Variants in INPP5A observed in about 807,000 individuals in gnomAD.
INPP5A encodes 43 kDa inositol polyphosphate 5-phophatase.
Under a neutral mutation model 65.2 loss-of-function variants are expected in INPP5A, and 14 were observed. The ratio of observed to expected loss-of-function variants is 0.21; its 90% CI spans 0.14 to 0.34. The LOEUF is 0.34. Among genes scored for constraint, INPP5A ranks in the 10% least tolerant of loss-of-function variants. The pLI, the probability that INPP5A is intolerant of heterozygous loss-of-function variation, is 1.00. For missense variants in INPP5A, 431 were observed against 545.6 expected (o/e 0.79, Z 2.09); for synonymous variants, 207 against 208.3 (o/e 0.99, Z 0.05).
At chr10:132,641,306 G>A (rs2072424501) in intron 2 of INPP5A, among the ~76,000 whole-genome samples, 1 of 152,208 alleles carries the variant, frequency 6.6e-6, no homozygotes, top group South Asian at 2.1e-4. Flanking sequence ...AATGCCTGGA[G>A]ACTCTCAGGC....
Position 132,645,302 on chromosome 10 carries a change from G to T in INPP5A, c.118-566G>T, listed in dbSNP as rs545062430. Among the ~76,000 whole-genome samples, 28 of 152,346 alleles carry T rather than the reference G, an allele frequency of 1.8e-4. No homozygotes were observed. The East Asian group carries it at 4.4e-3, about 24-fold the overall frequency. On this transcript the variant is annotated intron_variant, in intron 2 of 15. Transcript: ENST00000368594. ...TAGTGGAAGTGGCCTTGCGTGAGTT[G>T]CTGCTGTGTGTCGGCGTCCTCCCAG...
intron 8 of INPP5A, among the ~76,000 whole-genome samples, chr10:132,710,799 A>G (rs555846062): frequency 9.9e-6 from 1 of 101,270 alleles, no homozygotes; most frequent in African/African-American, 4.5e-5. Context: ...AGGTATAGGT[A>G]TGGGTGGAGA....
intron 8 of INPP5A, among the ~76,000 whole-genome samples, chr10:132,712,438 T>A (rs1367839618): frequency 6.6e-6 from 1 of 151,150 alleles, no homozygotes; most frequent in Admixed American, 6.6e-5. Context: ...TGCACGCGTG[T>A]GTGGGTGTGT....
chr10:132,580,843 A>C (rs1397332705), intron 1 of INPP5A, among the ~76,000 whole-genome samples: 1 of 152,192 alleles, frequency 6.6e-6, no homozygotes, highest in Non-Finnish European at 1.5e-5. Context: ...ACTTCCCCCA[A>C]ATGCTTCTGT....
chr10:132,756,371 CGT>C (rs55910416), intron 11 of INPP5A, among the ~76,000 whole-genome samples: 3,746 of 151,610 alleles, frequency 0.025, 68 homozygotes, highest in South Asian at 0.048. Context: ...CGTGTGCACT[CGT>C]GTGTGTGTAT....
At chr10:132,567,638 C>G (rs1406264417) in intron 1 of INPP5A, among the ~76,000 whole-genome samples, 1 of 152,170 alleles carries the variant, frequency 6.6e-6, no homozygotes, top group African/African-American at 2.4e-5. Context: ...CTCCCTTTTC[C>G]GCTCCATGTA....
rs780639282 is a variant in INPP5A at position 132,697,783 on chromosome 10, G to A, written c.371-33G>A. The A allele has an allele frequency of 4.2e-6, 6 of 1,439,100 alleles. No homozygotes were observed. In the Admixed American group the frequency reaches 5.1e-5, roughly 12 times the overall value. 89.1% of individuals were successfully genotyped at this position (1,439,100 alleles called of 1,614,324 possible). On this transcript the variant is annotated intron_variant, in intron 5 of 15. Transcript: ENST00000368594. This position sits in a 1 kb window ranked among gnomAD's most constrained non-coding sequence, Gnocchi z 5.6. ...GCTGGTTGGATGGGGCACAGTGATG[G>A]GATAGTCACCTCGTCCTTCTGGTCT... is the stretch of plus-strand genomic sequence containing the variant.
chr10:132,725,234 G>A (rs565020844), intron 8 of INPP5A, among the ~76,000 whole-genome samples: 13 of 152,332 alleles, frequency 8.5e-5, no homozygotes, highest in South Asian at 4.1e-4. Flanking sequence ...GAACTCCTAC[G>A]CTCCATAGCC....
intron 12 of INPP5A, 35 bp downstream of exon 12, chr10:132,765,881 C>A: frequency 7.3e-7 from 1 of 1,363,818 alleles, no homozygotes; most frequent in Non-Finnish European, 1.1e-6. Context: ...TGAACCCGGC[C>A]GGGAAGGTGG....
Position 132,546,276 on chromosome 10 carries a change from G to A in INPP5A, c.75+8105G>A, listed in dbSNP as rs543736503. Among the ~76,000 whole-genome samples the A allele has an allele frequency of 2.0e-5, 3 of 152,328 alleles. No individual in the cohort carries two copies. The highest frequency in any genetic ancestry group is 2.1e-4 in the South Asian group (1 of 4,832). On this transcript the variant is annotated intron_variant, in intron 1 of 15. Coordinates refer to ENST00000368594, the MANE Select transcript of INPP5A (RefSeq NM_005539.5). This position sits in a 1 kb window ranked among gnomAD's most constrained non-coding sequence, Gnocchi z 5.7. Reference sequence around the variant, plus strand: ...GGCGCAGAAGTGGTTTCCCAGCGGCGTGCCCTGAGTGTTGGGAAAAGGCCC... The same window carrying A: ...GGCGCAGAAGTGGTTTCCCAGCGGCATGCCCTGAGTGTTGGGAAAAGGCCC...
At chr10:132,734,923 G>A (rs1289596032) in intron 9 of INPP5A, among the ~76,000 whole-genome samples, 1 of 152,208 alleles carries the variant, frequency 6.6e-6, no homozygotes, top group African/African-American at 2.4e-5. Flanking sequence ...CTTGAGATGG[G>A]CTCTGCCCTT....
At chr10:132,672,208 A>G (rs1316199665) in intron 4 of INPP5A, among the ~76,000 whole-genome samples, 1 of 152,148 alleles carries the variant, frequency 6.6e-6, no homozygotes, top group Non-Finnish European at 1.5e-5. Context: ...CTTTTCCTTT[A>G]TCATGTGACA....
rs1282591228 is a variant in INPP5A, at chr10:132,603,417, A to ACGT, written c.76-4496_76-4494dup. On this transcript the variant is annotated intron_variant, in intron 1 of 15. Coordinates refer to ENST00000368594, the MANE Select transcript of INPP5A (RefSeq NM_005539.5). This position sits in a 1 kb window ranked among gnomAD's most constrained non-coding sequence, Gnocchi z 4.2. Reference sequence around the variant, plus strand: ...AAGAACGCTTGTCCACGTGGAATAAACGTCATCCCAGTCTGCAGAGCTCCA... The same window carrying ACGT: ...AAGAACGCTTGTCCACGTGGAATAAACGTCGTCATCCCAGTCTGCAGAGCTCCA... 3.3e-5 allele frequency among the ~76,000 whole-genome samples: 5 copies of ACGT among 152,190 alleles called. No individual in the cohort carries two copies. Among genetic ancestry groups the ACGT allele is most frequent in the Non-Finnish European group, 7.4e-5 (5 of 68,026 alleles).
At chr10:132,600,537 C>T (rs982918213) in intron 1 of INPP5A, among the ~76,000 whole-genome samples, 15 of 152,334 alleles carry the variant, frequency 9.8e-5, no homozygotes, top group African/African-American at 3.6e-4. Flanking sequence ...CTTCTCATCC[C>T]TTCAAACTGT....
rs1321938114 is a variant in INPP5A at position 132,741,346 on chromosome 10, CTG to C, written c.733-8168_733-8167del. Among the ~76,000 whole-genome samples, 3 of 152,248 alleles carry C rather than the reference CTG, an allele frequency of 2.0e-5. No homozygotes were observed. Among genetic ancestry groups the C allele is most frequent in the African/African-American group, 7.2e-5 (3 of 41,466 alleles). ...AGCCTAACAGTGGGCAGCTCCGTGTCTGTGGGTCACAAGTGGTTGGTCTCAGT... is the reference window on the plus strand; with the variant it reads ...AGCCTAACAGTGGGCAGCTCCGTGTCTGGGTCACAAGTGGTTGGTCTCAGT... On this transcript the variant is annotated intron_variant, in intron 9 of 15. Transcript: ENST00000368594. The surrounding 1 kb of genome is among the most constrained non-coding windows in gnomAD (Gnocchi z 4.4).
chr10:132,677,210 G>A (rs1029785306), intron 4 of INPP5A, among the ~76,000 whole-genome samples: 3 of 152,212 alleles, frequency 2.0e-5, no homozygotes, highest in Non-Finnish European at 2.9e-5. Context: ...ATGGCTGGAC[G>A]CTGTCTCTCC....
rs541598075 is a variant in INPP5A, at chr10:132,697,734, G to C, written c.371-82G>C. On this transcript the variant is annotated intron_variant, in intron 5 of 15. Transcript: ENST00000368594. The surrounding 1 kb of genome is among the most constrained non-coding windows in gnomAD (Gnocchi z 5.6). ...CTCTGGCTCCCATCGGGCTGAAGTC[G>C]GGTGGAAACAGGTTGTGCTCCAGGC... is the stretch of plus-strand genomic sequence containing the variant. 1.0e-6 allele frequency: 1 copy of C among 954,712 alleles called. No individual in the cohort carries two copies. The highest frequency in any genetic ancestry group is 2.0e-5 in the Admixed American group (1 of 50,706). 59.1% of individuals were successfully genotyped at this position (954,712 alleles called of 1,614,324 possible).
intron 11 of INPP5A, among the ~76,000 whole-genome samples, chr10:132,755,729 C>T (rs1217446238): frequency 6.6e-6 from 1 of 151,990 alleles, no homozygotes; most frequent in Admixed American, 6.5e-5. Flanking sequence ...TTTAGGCAGA[C>T]CCTAGCGGCA....
At chr10:132,573,999 A>G in intron 1 of INPP5A, among the ~76,000 whole-genome samples, 1 of 105,244 alleles carries the variant, frequency 9.5e-6, no homozygotes, top group African/African-American at 4.3e-5. Flanking sequence ...GTGCCGTGGG[A>G]GGTTTTGTTG....
Sources: gnomAD v4.1 joint callset for allele counts (sites outside exome capture counted in the v4.1 genomes callset) on GRCh38, gnomAD v4.1.1 for gene constraint, Gnocchi (gnomAD v3.1) non-coding constraint, MANE v1.5 for transcripts, NCBI Gene and HGNC (gene_info 2026-07-23, HGNC 2026-07-21) for gene names.